The following SLCO6A1 variants were observed in gnomAD, a reference collection of about 807,000 sequenced individuals.
The protein encoded by SLCO6A1 is solute carrier organic anion transporter family member 6A1.
Under a neutral mutation model 72.7 loss-of-function variants are expected in SLCO6A1, and 65 were observed. That is an observed-to-expected ratio of 0.89 (90% CI 0.73 to 1.10). The LOEUF is 1.10. Ranked by LOEUF, SLCO6A1 falls within the 50% of genes least tolerant of loss-of-function variation. SLCO6A1 has a pLI of 0.00. For missense variants in SLCO6A1, 874 were observed against 872.6 expected, an observed-to-expected ratio of 1.00 and a Z score of -0.02; for synonymous variants, 314 against 298.2, an observed-to-expected ratio of 1.05 and a Z score of -0.55.
intron 12 of SLCO6A1, among the ~76,000 whole-genome samples, chr5:102,377,235 A>G (rs1745849678): frequency 6.6e-6 from 1 of 152,182 alleles, no homozygotes; most frequent in Non-Finnish European, 1.5e-5. Context: ...TTGTTAATTA[A>G]TAAGAGAAAG....
intron 10 of SLCO6A1, among the ~76,000 whole-genome samples, chr5:102,395,649 A>T (rs1221434781): frequency 9.2e-5 from 14 of 152,030 alleles, no homozygotes; most frequent in East Asian, 3.9e-4. Flanking sequence ...TAGTTTACAG[A>T]CCCACCAACA....
intron 6 of SLCO6A1, among the ~76,000 whole-genome samples, chr5:102,451,414 G>C (rs1750410870): frequency 6.6e-6 from 1 of 152,172 alleles, no homozygotes; most frequent in Non-Finnish European, 1.5e-5. Context: ...CCTATCCTGG[G>C]GGCATGTGAG....
At chr5:102,480,105 AT>A in intron 2 of SLCO6A1, 71 bp downstream of exon 2, 1 of 1,367,686 alleles carries the variant, frequency 7.3e-7, no homozygotes, top group South Asian at 1.4e-5. Flanking sequence ...ATCACAGTCT[AT>A]TTTAAGTTCC....
chr5:102,438,255 C>A (rs73776930), intron 7 of SLCO6A1, among the ~76,000 whole-genome samples: 10,889 of 151,904 alleles, frequency 0.072, 448 homozygotes, highest in African/African-American at 0.1. Context: ...AAAAAATAAG[C>A]TGCAGAAGAG....
chr5:102,378,567 T>A (rs1191570131), intron 12 of SLCO6A1, among the ~76,000 whole-genome samples: 1 of 151,742 alleles, frequency 6.6e-6, no homozygotes, highest in East Asian at 1.9e-4. Context: ...TTGTTTGCTC[T>A]TGAATATATT....
At chr5:102,393,033 T>G (rs550657048) in intron 10 of SLCO6A1, among the ~76,000 whole-genome samples, 2 of 152,136 alleles carry the variant, frequency 1.3e-5, no homozygotes, top group Non-Finnish European at 2.9e-5. Flanking sequence ...TCACCACACC[T>G]AATCAGTAGA....
At chr5:102,461,867 C>T (rs1751057050) in intron 4 of SLCO6A1, among the ~76,000 whole-genome samples, 2 of 151,960 alleles carry the variant, frequency 1.3e-5, no homozygotes, top group Non-Finnish European at 2.9e-5. Flanking sequence ...AACTTCTTGT[C>T]CTAGCCAGAG....
intron 4 of SLCO6A1, among the ~76,000 whole-genome samples, chr5:102,461,160 A>G (rs979630332): frequency 6.6e-6 from 1 of 151,792 alleles, no homozygotes; most frequent in African/African-American, 2.4e-5. Context: ...TAAAAAAACT[A>G]TCAATTGGGA....
At chr5:102,495,883 A>G (rs114938480) in intron 1 of SLCO6A1, among the ~76,000 whole-genome samples, 8 of 152,324 alleles carry the variant, frequency 5.3e-5, no homozygotes, top group African/African-American at 1.9e-4. Flanking sequence ...ATACTCTGTA[A>G]GACTTTCAAG....
chr5:102,410,295 C>A (rs906559194), intron 9 of SLCO6A1, among the ~76,000 whole-genome samples: 9 of 152,072 alleles, frequency 5.9e-5, no homozygotes, highest in Non-Finnish European at 8.8e-5. Context: ...GAGGGTAGCT[C>A]CTCTCTGTAG....
In SLCO6A1 at chr5:102,373,502, T is replaced by TA; in HGVS notation, c.2018-9dup. 1 of 1,447,526 alleles carries TA rather than the reference T, an allele frequency of 6.9e-7. No homozygotes were observed. The highest frequency in any genetic ancestry group is 9.1e-7 in the Non-Finnish European group (1 of 1,097,942). 89.7% of individuals were successfully genotyped at this position (1,447,526 alleles called of 1,614,324 possible). ...ATAGTTTGCAAAGAAAACCTAAATT[T>TA]AAAAAATGCAATGATCAGATATGTC... On this transcript the variant is annotated splice_polypyrimidine_tract_variant and intron_variant, in intron 12 of 13. Transcript: ENST00000506729.
At position 102,392,763 on chromosome 5, in the gene SLCO6A1, CA is replaced by C. The variant is rs924623524; in HGVS notation, c.1815-1719del. ...GTTAAGAATTTCATGAAATAAACAA[CA>C]AAAAAAAAACTTGTCAATACTCTCC... On this transcript the variant is annotated intron_variant, in intron 10 of 13. Coordinates refer to ENST00000506729, the MANE Select transcript of SLCO6A1 (RefSeq NM_173488.5). Among the ~76,000 whole-genome samples the C allele has an allele frequency of 5.8e-3, 845 of 146,798 alleles. 4 individuals are homozygous for C. The highest frequency in any genetic ancestry group is 0.02 in the African/African-American group (797 of 40,236).
At chr5:102,399,842 T>A (rs1561429953) in intron 9 of SLCO6A1, 100 bp from the exon 10 acceptor site, 4 of 756,952 alleles carry the variant, frequency 5.3e-6, no homozygotes, top group African/African-American at 1.7e-5. Flanking sequence ...GCAAGGAGAC[T>A]CATTAGTTTT....
rs1313591277 is a variant in SLCO6A1 at position 102,373,398 on chromosome 5, G to C, written c.2114C>G (p.Thr705Ser). Residue 705 changes from threonine (T) to serine (S), a missense_variant, in exon 13 of 14, where the codon ACT becomes AGT. Transcript: ENST00000506729. ...LNENTDFPDV[T>S]VKNPKVKKKE... ...TTTCTTAACTTTTGGATTCTTCACAGTTACATCTGGGAAGTCAGTGTTCTC... is the reference window on the plus strand; with the variant it reads ...TTTCTTAACTTTTGGATTCTTCACACTTACATCTGGGAAGTCAGTGTTCTC... 5 of 1,581,986 alleles carry C rather than the reference G, an allele frequency of 3.2e-6. No homozygotes were observed. In the East Asian group the frequency reaches 1.2e-4, roughly 37 times the overall value.
intron 12 of SLCO6A1, among the ~76,000 whole-genome samples, chr5:102,383,095 A>ATATAT (rs1554064835): frequency 2.6e-4 from 34 of 128,584 alleles, no homozygotes; most frequent in African/African-American, 6.9e-4. Context: ...TATGTGTGTG[A>ATATAT]ATATATATAT....
chr5:102,408,524 AAG>A lies in SLCO6A1; in HGVS notation c.1626+4464_1626+4465del, dbSNP rs895661703. 4.8e-4 allele frequency among the ~76,000 whole-genome samples: 73 copies of A among 152,268 alleles called. 2 individuals carry two copies. The highest frequency in any genetic ancestry group is 4.8e-3 in the Admixed American group (73 of 15,286). On this transcript the variant is annotated intron_variant, in intron 9 of 13. Transcript: ENST00000506729. ...GTAAAACTTCTGATAACCAAAAACA[AAG>A]AGAAAATCCTAAAGCATCCAGAAAC... is the stretch of plus-strand genomic sequence containing the variant.
intron 10 of SLCO6A1, among the ~76,000 whole-genome samples, chr5:102,399,137 A>G (rs1747259522): frequency 6.6e-6 from 1 of 152,142 alleles, no homozygotes; most frequent in Non-Finnish European, 1.5e-5. Context: ...TGAAATTCTA[A>G]AAGTTATTAT....
chr5:102,481,558 G>A (rs561591499), intron 1 of SLCO6A1, among the ~76,000 whole-genome samples: 1 of 152,138 alleles, frequency 6.6e-6, no homozygotes, highest in African/African-American at 2.4e-5. Flanking sequence ...CATTCCCCTT[G>A]CAAATAGGAG....
chr5:102,433,108 T>C (rs1000766264), intron 7 of SLCO6A1, among the ~76,000 whole-genome samples: 1 of 152,202 alleles, frequency 6.6e-6, no homozygotes, highest in South Asian at 2.1e-4. Context: ...ATAGTGTGTT[T>C]TTATCTCTAT....
Sources: gnomAD v4.1 joint callset for allele counts (sites outside exome capture counted in the v4.1 genomes callset) on GRCh38, gnomAD v4.1.1 for gene constraint, MANE v1.5 for transcripts, NCBI Gene and HGNC (gene_info 2026-07-23, HGNC 2026-07-21) for gene names.